TTC28: variants seen among roughly 807,000 people sequenced by gnomAD.
TTC28 encodes the protein tetratricopeptide repeat domain 28.
Under a neutral mutation model 198.0 loss-of-function variants are expected in TTC28, and 61 were observed. That is an observed-to-expected ratio of 0.31 (90% CI 0.25 to 0.38). The LOEUF is 0.38. TTC28 is among the 10% of genes least tolerant of loss of function. TTC28 has a pLI of 1.00. For missense variants in TTC28, 2,678 were observed against 3,164.0 expected, an observed-to-expected ratio of 0.85 and a Z score of 3.69; for synonymous variants, 1,171 against 1,297.8, an observed-to-expected ratio of 0.90 and a Z score of 2.10.
intron 2 of TTC28, among the ~76,000 whole-genome samples, chr22:28,453,216 GCTTT>G (rs947166916): frequency 6.6e-6 from 1 of 152,158 alleles, no homozygotes; most frequent in African/African-American, 2.4e-5. Flanking sequence ...AGTCACAGTT[GCTTT>G]CTGTTACTTG....
intron 1 of TTC28, among the ~76,000 whole-genome samples, chr22:28,630,040 C>G (rs1446831153): frequency 1.3e-5 from 2 of 152,006 alleles, no homozygotes; most frequent in Non-Finnish European, 2.9e-5. Context: ...GGAATTCTTA[C>G]TCTATTATTT....
intron 2 of TTC28, among the ~76,000 whole-genome samples, chr22:28,469,482 T>TA (rs1162220097): frequency 6.6e-6 from 1 of 151,794 alleles, no homozygotes; most frequent in Non-Finnish European, 1.5e-5. Context: ...ATCAAAAAAA[T>TA]AAAAAAATGG....
intron 2 of TTC28, among the ~76,000 whole-genome samples, chr22:28,622,453 T>C (rs866238411): frequency 2.0e-5 from 3 of 151,148 alleles, no homozygotes; most frequent in Non-Finnish European, 4.4e-5. Context: ...ACCTGTCAAA[T>C]ATCAACAATT....
At chr22:28,087,477 A>G (rs1176032876) in intron 12 of TTC28, among the ~76,000 whole-genome samples, 1 of 152,194 alleles carries the variant, frequency 6.6e-6, no homozygotes, top group African/African-American at 2.4e-5. Flanking sequence ...CATGCTAAAA[A>G]GTCTCAATAA....
intron 13 of TTC28, among the ~76,000 whole-genome samples, chr22:28,016,138 C>G (rs1473212475): frequency 6.6e-6 from 1 of 152,072 alleles, no homozygotes; most frequent in Non-Finnish European, 1.5e-5. Flanking sequence ...AGCAGCAGGA[C>G]TTGGAGGGCC....
rs141499753 is a variant in TTC28 at position 28,023,607 on chromosome 22, C to G, written c.4073+6619G>C. On this transcript the variant is annotated intron_variant, in intron 13 of 22. Transcript: ENST00000397906. ...GTCCCTGAAAACAAACCTGTGGGGT[C>G]GAATTCACTTGTTCACAGAGAACTT... Among the ~76,000 whole-genome samples the G allele has an allele frequency of 9.3e-3, 1,423 of 152,314 alleles. 25 individuals carry two copies. The highest frequency in any genetic ancestry group is 0.032 in the African/African-American group (1,325 of 41,580).
At position 28,163,397 on chromosome 22, in the gene TTC28, T is replaced by C. The variant is rs1333977001; in HGVS notation, c.1136A>G (p.Gln379Arg). 1.9e-6 allele frequency: 3 copies of C among 1,552,022 alleles called. No individual in the cohort carries two copies. The highest frequency in any genetic ancestry group is 1.7e-6 in the Non-Finnish European group (2 of 1,147,040). The change falls in exon 6 of 23, where the codon CAG becomes CGG. Residue 379 changes from glutamine (Q) to arginine (R), a missense_variant. Around this residue, in one of 8 missense-constraint regions of TTC28, gnomAD observed 775 missense variants for 845.9 expected, o/e 0.92. Coordinates refer to ENST00000397906, the MANE Select transcript of TTC28 (RefSeq NM_001145418.2). ...DFENAVQCHEQHLKIAKDLGN... is the reference protein window; with the variant it reads ...DFENAVQCHERHLKIAKDLGN... ...CAGGTCCTTGGCTATCTTCAGATGC[T>C]GCTCATGGCACTGCACAGCATTCTC...
intron 2 of TTC28, among the ~76,000 whole-genome samples, chr22:28,605,215 A>G (rs1280053791): frequency 6.6e-6 from 1 of 152,190 alleles, no homozygotes; most frequent in Admixed American, 6.5e-5. Flanking sequence ...AGGAGATGCT[A>G]TGGACTGTAA....
At chr22:28,576,972 T>C (rs530685261) in intron 2 of TTC28, among the ~76,000 whole-genome samples, 2 of 152,188 alleles carry the variant, frequency 1.3e-5, no homozygotes, top group South Asian at 4.1e-4. Flanking sequence ...CTTTCATTTA[T>C]TTCTGCTCTG....
At chr22:28,388,666 G>T (rs532307931) in intron 2 of TTC28, among the ~76,000 whole-genome samples, 1 of 152,148 alleles carries the variant, frequency 6.6e-6, no homozygotes, top group Non-Finnish European at 1.5e-5. Context: ...GTATAAGAAC[G>T]CTTGTGACTT....
At chr22:28,020,192 AC>A (rs1938535201) in intron 13 of TTC28, among the ~76,000 whole-genome samples, 2 of 152,098 alleles carry the variant, frequency 1.3e-5, no homozygotes, top group Admixed American at 1.3e-4. Context: ...CAGCTGCACC[AC>A]CCCGGGGCTC....
At chr22:28,632,462 C>T (rs1479239148) in intron 1 of TTC28, among the ~76,000 whole-genome samples, 3 of 151,256 alleles carry the variant, frequency 2.0e-5, no homozygotes, top group African/African-American at 7.3e-5. Context: ...AAGTGGCCAA[C>T]CAATAATGCA....
At chr22:28,495,510 C>A (rs1394358477) in intron 2 of TTC28, among the ~76,000 whole-genome samples, 3 of 152,150 alleles carry the variant, frequency 2.0e-5, no homozygotes, top group African/African-American at 7.2e-5. Context: ...TAAAGACATT[C>A]TCAGACATAC....
At chr22:28,553,244 G>A (rs1029610654) in intron 2 of TTC28, among the ~76,000 whole-genome samples, 4 of 151,384 alleles carry the variant, frequency 2.6e-5, no homozygotes, top group Non-Finnish European at 4.4e-5. Flanking sequence ...CTGCCTGGCC[G>A]CCCATCGTCT....
At chr22:28,441,229 G>A (rs1051296136) in intron 2 of TTC28, among the ~76,000 whole-genome samples, 7 of 152,158 alleles carry the variant, frequency 4.6e-5, no homozygotes, top group African/African-American at 1.7e-4. Flanking sequence ...TGCATATTGG[G>A]TAAAATAGAA....
intron 2 of TTC28, among the ~76,000 whole-genome samples, chr22:28,523,199 C>T (rs2146434462): frequency 6.6e-6 from 1 of 152,230 alleles, no homozygotes; most frequent in African/African-American, 2.4e-5. Context: ...AGAAAGCTGG[C>T]ACAGCTACAT....
At chr22:28,601,849 T>C (rs1253997408) in intron 2 of TTC28, among the ~76,000 whole-genome samples, 4 of 151,856 alleles carry the variant, frequency 2.6e-5, no homozygotes, top group South Asian at 2.1e-4. Context: ...CAGTTTTATA[T>C]AGCACTAATG....
chr22:28,240,180 A>G lies in TTC28; in HGVS notation c.933+56018T>C, dbSNP rs142754338. ...GCAAAGACAAAAACAATCCTTAGGA[A>G]ATACTGAATGTGTTAGGGAGTTTGT... On this transcript the variant is annotated intron_variant, in intron 5 of 22. Transcript: ENST00000397906. 2.0e-3 allele frequency among the ~76,000 whole-genome samples: 302 copies of G among 152,376 alleles called. 1 individual carries two copies. Among genetic ancestry groups the G allele is most frequent in the Middle Eastern group, 6.8e-3 (2 of 294 alleles).
chr22:28,134,001 C>G (rs889419560), intron 6 of TTC28, among the ~76,000 whole-genome samples: 1 of 152,200 alleles, frequency 6.6e-6, no homozygotes, highest in Non-Finnish European at 1.5e-5. Flanking sequence ...AGGTACCCCT[C>G]TGAGACGAAG....
Sources: allele counts gnomAD v4.1 joint callset (sites outside exome capture counted in the v4.1 genomes callset), GRCh38; gene constraint gnomAD v4.1.1; regional missense constraint gnomAD v4.1.1; transcripts MANE v1.5; gene names NCBI Gene and HGNC (gene_info 2026-07-23, HGNC 2026-07-21).